The following TMEM132D variants were observed in gnomAD, a reference collection of about 807,000 sequenced individuals.
TMEM132D encodes transmembrane protein 132D, also known as mature OL transmembrane protein.
In TMEM132D, 21 loss-of-function variants were observed where a neutral mutation model predicts 62.3. That is an observed-to-expected ratio of 0.34 (90% CI 0.24 to 0.49). TMEM132D has a LOEUF of 0.49. Among genes scored for constraint, TMEM132D ranks in the 20% least tolerant of loss-of-function variants. TMEM132D has a pLI of 0.99. For missense variants in TMEM132D, 1,346 were observed against 1,402.8 expected (o/e 0.96, Z 0.65); for synonymous variants, 621 against 575.6 (o/e 1.08, Z -1.13).
At chr12:129,582,152 T>C (rs1334098322) in intron 2 of TMEM132D, among the ~76,000 whole-genome samples, 3 of 152,212 alleles carry the variant, frequency 2.0e-5, no homozygotes, top group African/African-American at 7.2e-5. Flanking sequence ...GACTTACACA[T>C]CACAGTCCAC....
intron 5 of TMEM132D, among the ~76,000 whole-genome samples, chr12:129,192,564 C>T (rs1878435322): frequency 6.6e-6 from 1 of 152,182 alleles, no homozygotes; most frequent in Non-Finnish European, 1.5e-5. Flanking sequence ...GAAAAATACC[C>T]CTTTTGGATA....
chr12:129,506,394 T>C (rs1202982288), intron 3 of TMEM132D, among the ~76,000 whole-genome samples: 1 of 152,152 alleles, frequency 6.6e-6, no homozygotes, highest in East Asian at 1.9e-4. Context: ...AGTGCCCACA[T>C]AGCCAAAGCA....
chr12:129,186,461 C>T (rs1593289276), intron 5 of TMEM132D, among the ~76,000 whole-genome samples: 1 of 152,194 alleles, frequency 6.6e-6, no homozygotes, highest in Non-Finnish European at 1.5e-5. Flanking sequence ...TACTTTCTTG[C>T]ACCTCCCCAC....
chr12:129,129,641 G>T (rs1476667206), intron 5 of TMEM132D, among the ~76,000 whole-genome samples: 1 of 152,164 alleles, frequency 6.6e-6, no homozygotes, highest in South Asian at 2.1e-4. Context: ...GCACAGCCTC[G>T]CCAGCTCTGT....
At chr12:129,542,813 T>A (rs1037170275) in intron 2 of TMEM132D, among the ~76,000 whole-genome samples, 1 of 152,264 alleles carries the variant, frequency 6.6e-6, no homozygotes, top group South Asian at 2.1e-4. Flanking sequence ...AAGATTATAA[T>A]ATTGTATTTT....
intron 4 of TMEM132D, among the ~76,000 whole-genome samples, chr12:129,318,293 G>C (rs531537267): frequency 1.6e-4 from 25 of 152,312 alleles, no homozygotes; most frequent in African/African-American, 5.5e-4. Flanking sequence ...GGAAGGTCTA[G>C]GGCTGAAGGC....
At chr12:129,679,237 T>G (rs1169643917) in intron 2 of TMEM132D, among the ~76,000 whole-genome samples, 2 of 152,050 alleles carry the variant, frequency 1.3e-5, no homozygotes, top group Admixed American at 6.6e-5. Context: ...ACATGGTATA[T>G]CCATTTCTTT....
At chr12:129,348,728 A>C (rs1461495632) in intron 3 of TMEM132D, among the ~76,000 whole-genome samples, 1 of 152,200 alleles carries the variant, frequency 6.6e-6, no homozygotes, top group Non-Finnish European at 1.5e-5. Context: ...AATAAAATAA[A>C]ATAAAGAAAA....
intron 2 of TMEM132D, among the ~76,000 whole-genome samples, chr12:129,621,837 G>A (rs1879079427): frequency 1.3e-5 from 2 of 152,190 alleles, no homozygotes; most frequent in South Asian, 2.1e-4. Flanking sequence ...CAGGTGGTCT[G>A]GGACTAGAGC....
intron 4 of TMEM132D, among the ~76,000 whole-genome samples, chr12:129,326,839 T>C (rs1406325581): frequency 6.6e-6 from 1 of 152,222 alleles, no homozygotes; most frequent in Non-Finnish European, 1.5e-5. Flanking sequence ...TATAATATTT[T>C]CACTGAATTA....
chr12:129,740,183 C>T (rs1043694719), intron 1 of TMEM132D, among the ~76,000 whole-genome samples: 1 of 152,138 alleles, frequency 6.6e-6, no homozygotes, highest in Non-Finnish European at 1.5e-5. Flanking sequence ...TTGTAATCAG[C>T]CCCATCATCA....
At chr12:129,157,693 C>T (rs1323385427) in intron 5 of TMEM132D, among the ~76,000 whole-genome samples, 1 of 152,142 alleles carries the variant, frequency 6.6e-6, no homozygotes, top group African/African-American at 2.4e-5. Flanking sequence ...GAAAACAAAA[C>T]CACAGACCAT....
chr12:129,655,370 C>G (rs1389504704), intron 2 of TMEM132D, among the ~76,000 whole-genome samples: 1 of 151,988 alleles, frequency 6.6e-6, no homozygotes, highest in African/African-American at 2.4e-5. Flanking sequence ...CCTCAGCCTC[C>G]TAAGTAGCTG....
intron 1 of TMEM132D, among the ~76,000 whole-genome samples, chr12:129,842,754 A>T (rs2651885): frequency 0.017 from 2,556 of 152,218 alleles, 76 homozygotes; most frequent in African/African-American, 0.058. Flanking sequence ...CAGGCGAGGG[A>T]GAGATTCCTG....
At chr12:129,352,116 C>T (rs746125845) in intron 3 of TMEM132D, among the ~76,000 whole-genome samples, 4 of 152,086 alleles carry the variant, frequency 2.6e-5, no homozygotes, top group African/African-American at 4.8e-5. Flanking sequence ...GGGCTGCGTT[C>T]CCAGGAAGTT....
intron 1 of TMEM132D, among the ~76,000 whole-genome samples, chr12:129,800,758 G>A (rs529021243): frequency 2.4e-4 from 37 of 152,254 alleles, no homozygotes; most frequent in African/African-American, 7.9e-4. Context: ...CTCCCAGCGA[G>A]AGCGACGCAG....
At chr12:129,789,573 C>A (rs1213768835) in intron 1 of TMEM132D, among the ~76,000 whole-genome samples, 2 of 152,154 alleles carry the variant, frequency 1.3e-5, no homozygotes, top group Non-Finnish European at 2.9e-5. Context: ...CCAACAATTT[C>A]GATTTGTATG....
intron 1 of TMEM132D, among the ~76,000 whole-genome samples, chr12:129,830,023 C>T (rs1872780370): frequency 6.6e-6 from 1 of 152,114 alleles, no homozygotes; most frequent in Non-Finnish European, 1.5e-5. Context: ...CTCCAAGCCT[C>T]TCAGATACAG....
At chr12:129,587,960 G>C (rs965550218) in intron 2 of TMEM132D, among the ~76,000 whole-genome samples, 3 of 152,172 alleles carry the variant, frequency 2.0e-5, no homozygotes, top group African/African-American at 7.2e-5. Context: ...TCCTGGTGCA[G>C]ACAGACCTGA....
Sources: allele counts gnomAD v4.1 joint callset (sites outside exome capture counted in the v4.1 genomes callset), GRCh38; gene constraint gnomAD v4.1.1; transcripts MANE v1.5; gene names NCBI Gene and HGNC (gene_info 2026-07-23, HGNC 2026-07-21).